The following HDAC7 variants were observed in gnomAD, a reference collection of about 807,000 sequenced individuals.
HDAC7 encodes histone deacetylase 7A.
In HDAC7, 26 loss-of-function variants were observed where a neutral mutation model predicts 115.5. That is an observed-to-expected ratio of 0.23 (90% CI 0.16 to 0.31). The LOEUF (loss-of-function observed/expected upper bound fraction) is 0.31. Ranked by LOEUF, HDAC7 falls within the 10% of genes least tolerant of loss-of-function variation. HDAC7 has a pLI of 1.00. For missense variants in HDAC7, 1,068 were observed against 1,329.0 expected, an observed-to-expected ratio of 0.80 and a Z score of 3.05; for synonymous variants, 564 against 550.9, an observed-to-expected ratio of 1.02 and a Z score of -0.33.
rs543523133 is a variant in HDAC7, at chr12:47,798,271, G to C, written c.350-52C>G. On this transcript the variant is annotated intron_variant, in intron 4 of 25. Coordinates refer to ENST00000080059, the MANE Select transcript of HDAC7 (RefSeq NM_015401.5). This position sits in a 1 kb window ranked among gnomAD's most constrained non-coding sequence, Gnocchi z 4.3. ...TGGAGGTGGGTGGACAGGCGGCCTC[G>C]TGGCACTACCTGGCCACTGCCCTGT... The C allele has an allele frequency of 4.3e-6, 6 of 1,394,406 alleles. No homozygotes were observed. Among genetic ancestry groups the C allele is most frequent in the Non-Finnish European group, 6.1e-6 (6 of 983,230 alleles). The allele number at this position is 1,394,406 out of a possible 1,614,324, so 86.4% of individuals were successfully genotyped here.
chr12:47,804,910 G>A lies in HDAC7; in HGVS notation c.20-2636C>T, dbSNP rs886898486. 2.6e-5 allele frequency among the ~76,000 whole-genome samples: 4 copies of A among 151,952 alleles called. No homozygotes were observed. The East Asian group carries it at 5.8e-4, about 22-fold the overall frequency. On this transcript the variant is annotated intron_variant, in intron 1 of 25. Transcript: ENST00000080059. ...AGTCTTGGTCCTCCCTCCCCAGCAG[G>A]TATGACTTTGCCTCCTAGATCTGCA...
At chr12:47,785,340 A>G in intron 24 of HDAC7, 47 bp downstream of exon 24, 1 of 1,516,252 alleles carries the variant, frequency 6.6e-7, no homozygotes, top group Non-Finnish European at 9.0e-7. Flanking sequence ...GGGTACCACC[A>G]AGATCCTTCA....
chr12:47,785,933 A>T (rs779279155), intron 22 of HDAC7, 48 bp from the exon 23 acceptor site: 4 of 1,521,370 alleles, frequency 2.6e-6, no homozygotes. Flanking sequence ...TGGAGAGGTG[A>T]CCCTGTTCTC....
chr12:47,789,075 C>G, intron 19 of HDAC7, 186 bp downstream of exon 19: 1 of 607,214 alleles, frequency 1.6e-6, no homozygotes, highest in East Asian at 2.7e-5. Flanking sequence ...CGTTCCCACA[C>G]GCCATCCCCT....
intron 21 of HDAC7, among the ~76,000 whole-genome samples, chr12:47,787,376 C>T (rs182983937): frequency 4.1e-4 from 62 of 152,168 alleles, no homozygotes; most frequent in African/African-American, 1.4e-3. Flanking sequence ...ATGGAGATAA[C>T]TCCAGAAAAG....
chr12:47,800,882 G>A (rs1021444043), intron 2 of HDAC7, among the ~76,000 whole-genome samples: 17 of 152,232 alleles, frequency 1.1e-4, no homozygotes, highest in South Asian at 6.2e-4. Context: ...AATACTTTTC[G>A]AGGTGCTTTA....
chr12:47,799,429 C>T (rs1944056205), intron 2 of HDAC7, among the ~76,000 whole-genome samples: 1 of 152,256 alleles, frequency 6.6e-6, no homozygotes, highest in Non-Finnish European at 1.5e-5. Flanking sequence ...ATCAGGCAGG[C>T]AAACAGGCCC....
At chr12:47,808,776 T>G (rs1944520102) in intron 1 of HDAC7, among the ~76,000 whole-genome samples, 1 of 152,182 alleles carries the variant, frequency 6.6e-6, no homozygotes. Flanking sequence ...GGCCTGCCCC[T>G]GCACTGCTCT....
rs754731242 is a variant in HDAC7, at chr12:47,788,142, G to A, written c.2258C>T (p.Thr753Ile). 1 of 1,612,028 alleles carries A rather than the reference G, an allele frequency of 6.2e-7. No homozygotes were observed. The change falls in exon 20 of 26, where the codon ACC (threonine) becomes ATC (isoleucine). Residue 753 changes from threonine (T) to isoleucine (I), a missense_variant. Coordinates refer to ENST00000080059, the MANE Select transcript of HDAC7 (RefSeq NM_015401.5). ...GGGGTCTTGGTAGAAGGTTTGCTGG[G>A]TGCCGTTGCCATGGTGCACGTCCTG... ...VDWDVHHGNG[T>I]QQTFYQDPSV... is the part of the protein sequence containing the mutation.
chr12:47,787,941 C>A, intron 20 of HDAC7, 104 bp downstream of exon 20: 4 of 1,567,418 alleles, frequency 2.6e-6, no homozygotes, highest in Non-Finnish European at 3.5e-6. Context: ...ATCAGAGAGG[C>A]TCAGCAGTCT....
At chr12:47,801,426 A>G (rs1944158816) in intron 2 of HDAC7, among the ~76,000 whole-genome samples, 1 of 152,240 alleles carries the variant, frequency 6.6e-6, no homozygotes, top group Non-Finnish European at 1.5e-5. Flanking sequence ...GGATAAACTC[A>G]TGAATCAGTG....
intron 1 of HDAC7, among the ~76,000 whole-genome samples, chr12:47,810,450 C>G (rs1370342673): frequency 6.6e-6 from 1 of 152,162 alleles, no homozygotes; most frequent in African/African-American, 2.4e-5. Flanking sequence ...CAAGGGGATG[C>G]AAGACACAGT....
intron 1 of HDAC7, among the ~76,000 whole-genome samples, chr12:47,811,881 T>G (rs1017023872): frequency 1.3e-5 from 2 of 152,242 alleles, no homozygotes; most frequent in African/African-American, 2.4e-5. Context: ...AGTCAGGACT[T>G]ACTTAATGAA....
chr12:47,811,168 C>CA (rs1471467914), intron 1 of HDAC7, among the ~76,000 whole-genome samples: 1 of 152,208 alleles, frequency 6.6e-6, no homozygotes, highest in Non-Finnish European at 1.5e-5. Context: ...GGTCCCATCC[C>CA]AGTGGTGCCC....
chr12:47,791,235 C>A, intron 16 of HDAC7, 24 bp downstream of exon 16: 4 of 1,585,984 alleles, frequency 2.5e-6, no homozygotes, highest in Non-Finnish European at 3.4e-6. Flanking sequence ...GCAACGCCCC[C>A]CTGAGACCCC....
At chr12:47,790,282 C>T (rs1441635901) in intron 16 of HDAC7, 9 of 262,798 alleles carry the variant, frequency 3.4e-5, no homozygotes, top group Admixed American at 2.3e-4. Context: ...GCGGGACGGT[C>T]GGAGCTGGAG....
intron 19 of HDAC7, 140 bp from the exon 20 acceptor site, chr12:47,788,304 C>T (rs7959510): frequency 0.81 from 869,069 of 1,071,332 alleles, 354,596 homozygotes; most frequent in East Asian, 1. Flanking sequence ...TAAAGCCACA[C>T]GGTCGAGTGG....
chr12:47,784,848 C>T (rs561261586), intron 24 of HDAC7: 16 of 1,375,536 alleles, frequency 1.2e-5, no homozygotes, highest in African/African-American at 1.0e-4. Flanking sequence ...AAAGACATCA[C>T]GGCTCCCCTA....
At chr12:47,783,945 C>T in intron 25 of HDAC7, 59 bp from the exon 26 acceptor site, 1 of 1,609,370 alleles carries the variant, frequency 6.2e-7, no homozygotes, top group Non-Finnish European at 8.5e-7. Context: ...AGGGCCTTAG[C>T]TAAGCTTCCT....
Sources: gnomAD v4.1 joint callset for allele counts (sites outside exome capture counted in the v4.1 genomes callset) on GRCh38, gnomAD v4.1.1 for gene constraint, Gnocchi (gnomAD v3.1) non-coding constraint, MANE v1.5 for transcripts, NCBI Gene and HGNC (gene_info 2026-07-23, HGNC 2026-07-21) for gene names.